The following SEMA4D variants were observed in gnomAD, a reference collection of about 807,000 sequenced individuals.
The protein encoded by SEMA4D is semaphorin-4D.
SEMA4D carries 22 observed loss-of-function variants against 74.8 expected under a neutral mutation model. The ratio of observed to expected loss-of-function variants is 0.29; its 90% CI spans 0.21 to 0.42. SEMA4D has a LOEUF of 0.42. SEMA4D is among the 10% of genes least tolerant of loss of function. SEMA4D has a pLI of 1.00. For synonymous variants in SEMA4D, 445 were observed against 463.7 expected (o/e 0.96, Z 0.52); for missense variants, 937 against 1,118.4 (o/e 0.84, Z 2.31).
chr9:89,472,696 T>C (rs551109323), intron 1 of SEMA4D: 1 of 161,056 alleles, frequency 6.2e-6, no homozygotes. Context: ...TACAAGTTAA[T>C]CAAAAGGAAA....
intron 1 of SEMA4D, among the ~76,000 whole-genome samples, chr9:89,477,758 T>C (rs1210981849): frequency 6.6e-6 from 1 of 152,220 alleles, no homozygotes. Context: ...ACTCTTTGCT[T>C]TCTGTCTTCA....
chr9:89,361,790 C>G (rs1179897057), exon 19 of SEMA4D: 2 of 154,246 alleles, frequency 1.3e-5, no homozygotes, highest in African/African-American at 4.8e-5. Context: ...TTGACAGATG[C>G]ACTCCCAGAT....
intron 1 of SEMA4D, among the ~76,000 whole-genome samples, chr9:89,488,395 A>T (rs1825368135): frequency 1.8e-5 from 2 of 110,488 alleles, no homozygotes; most frequent in African/African-American, 3.6e-5. Flanking sequence ...ACAGAGTCTC[A>T]CTCTGTCACA....
rs370512179 is a variant in SEMA4D, at chr9:89,480,536, C to T, written c.-310+17383G>A. 2.0e-5 allele frequency among the ~76,000 whole-genome samples: 3 copies of T among 152,332 alleles called. No homozygotes were observed. The South Asian group carries it at 6.2e-4, about 32-fold the overall frequency. Reference sequence around the variant, plus strand: ...GAGTGGGTGGGAGGCTCAGGCATGGCGGGCTGCAGGTCCCGAGCCCTGCCC... The same window carrying T: ...GAGTGGGTGGGAGGCTCAGGCATGGTGGGCTGCAGGTCCCGAGCCCTGCCC... On this transcript the variant is annotated intron_variant, in intron 1 of 15. Transcript: ENST00000422704.
At chr9:89,361,419 C>T (rs1318823929) in exon 19 of SEMA4D, 1 of 152,144 alleles carries the variant, frequency 6.6e-6, no homozygotes, top group Non-Finnish European at 1.5e-5. Flanking sequence ...TTAACAGAGG[C>T]TTTGGTTTTA....
intron 2 of SEMA4D, among the ~76,000 whole-genome samples, chr9:89,413,051 A>G (rs1564683129): frequency 6.6e-6 from 1 of 152,208 alleles, no homozygotes; most frequent in Non-Finnish European, 1.5e-5. Flanking sequence ...TTTCTTCGCC[A>G]TTTCTGAGAA....
chr9:89,405,266 C>G, intron 3 of SEMA4D, 85 bp downstream of exon 3: 1 of 1,198,666 alleles, frequency 8.3e-7, no homozygotes, highest in Non-Finnish European at 1.2e-6. Context: ...GGTCCCTGTC[C>G]CGTCCCCAGC....
chr9:89,485,130 C>T (rs148791034), intron 1 of SEMA4D, among the ~76,000 whole-genome samples: 58 of 152,260 alleles, frequency 3.8e-4, no homozygotes, highest in African/African-American at 1.3e-3. Flanking sequence ...ACAGAAGGCA[C>T]GTCATCAACT....
At chr9:89,450,685 A>AAAAAAAAAAAAAAAAC in intron 2 of SEMA4D, 2 of 988,658 alleles carry the variant, frequency 2.0e-6, no homozygotes, top group East Asian at 2.5e-5. Context: ...AAAAAAAAAA[A>AAAAAAAAAAAAAAAAC]AAGGCCTCCA....
chr9:89,363,653 A>G, intron 17 of SEMA4D: 1 of 1,593,330 alleles, frequency 6.3e-7, no homozygotes, highest in African/African-American at 1.3e-5. Flanking sequence ...CCGTGCAAGC[A>G]TGCTTTCCAG....
At chr9:89,473,968 T>A (rs1205841018) in intron 1 of SEMA4D, among the ~76,000 whole-genome samples, 1 of 152,176 alleles carries the variant, frequency 6.6e-6, no homozygotes, top group African/African-American at 2.4e-5. Context: ...TTGAGTTCCC[T>A]TTCTCAGGTC....
rs146357683 is a variant in SEMA4D at position 89,425,991 on chromosome 9, C to T, written c.-243-20292G>A. ...AGCAGTGAAGGCATCACAGAATCTG[C>T]CAGAACCATCCAGAACCCTGAACTG... is the stretch of plus-strand genomic sequence containing the variant. On this transcript the variant is annotated intron_variant, in intron 2 of 15. Coordinates refer to ENST00000422704, the MANE Select transcript of SEMA4D (RefSeq NM_001371194.2). Among the ~76,000 whole-genome samples the T allele has an allele frequency of 2.7e-3, 416 of 152,340 alleles. 2 individuals are homozygous for T. Among genetic ancestry groups the T allele is most frequent in the Non-Finnish European group, 2.3e-3 (156 of 68,020 alleles).
chr9:89,378,629 G>T lies in SEMA4D; in HGVS notation c.*75C>A. ...CAGCACTGCACGAGACTCGGATACT[G>T]AACAGGAGAAACACAAAACTCTCCA... On this transcript the variant is annotated 3_prime_UTR_variant, in exon 16 of 16. Transcript: ENST00000422704. 2 of 1,168,732 alleles carry T rather than the reference G, an allele frequency of 1.7e-6. No individual in the cohort carries two copies. Among genetic ancestry groups the T allele is most frequent in the South Asian group, 1.4e-5 (1 of 73,156 alleles). The allele number at this position is 1,168,732 out of a possible 1,614,324, so 72.4% of individuals were successfully genotyped here.
intron 1 of SEMA4D, among the ~76,000 whole-genome samples, chr9:89,457,171 TGAGCAACCAGAGCCTGTGATGGGGTG>T (rs1286393356): frequency 2.3e-4 from 35 of 152,190 alleles, no homozygotes; most frequent in African/African-American, 4.6e-4. Flanking sequence ...CCTACAAAGC[TGAGCAACCAGAGCCTGTGATGGGGTG>T]GAGCAACCAG....
intron 2 of SEMA4D, among the ~76,000 whole-genome samples, chr9:89,430,766 C>G (rs540947336): frequency 8.1e-4 from 123 of 152,326 alleles, no homozygotes; most frequent in Non-Finnish European, 1.5e-3. Flanking sequence ...CACCTGAGGT[C>G]AGGAGTTCAA....
intron 1 of SEMA4D, among the ~76,000 whole-genome samples, chr9:89,468,528 T>TA (rs1431442407): frequency 1.3e-5 from 2 of 152,228 alleles, no homozygotes; most frequent in Non-Finnish European, 2.9e-5. Flanking sequence ...AACATCACTC[T>TA]AAAAACATAC....
At chr9:89,372,830 C>G (rs1407421285), downstream of SEMA4D, among the ~76,000 whole-genome samples, 41 of 152,130 alleles carry the variant, frequency 2.7e-4, no homozygotes, top group Non-Finnish European at 7.4e-5. Context: ...ACTATGACAC[C>G]CCTAGGGTGT....
At chr9:89,363,304 C>A in intron 18 of SEMA4D, 2 of 1,394,322 alleles carry the variant, frequency 1.4e-6, no homozygotes, top group Non-Finnish European at 1.9e-6. Context: ...AAGGAAACTG[C>A]TCCGGGGCTA....
chr9:89,371,178 TGG>T (rs535986964), intron 16 of SEMA4D, among the ~76,000 whole-genome samples: 1 of 22,682 alleles, frequency 4.4e-5, no homozygotes, highest in Non-Finnish European at 7.6e-5. Context: ...AAGGTGTGTG[TGG>T]GGGGGGTGTG....
Sources: gnomAD v4.1 joint callset for allele counts (sites outside exome capture counted in the v4.1 genomes callset) on GRCh38, gnomAD v4.1.1 for gene constraint, MANE v1.5 for transcripts, NCBI Gene and HGNC (gene_info 2026-07-23, HGNC 2026-07-21) for gene names.